SMYD3: variants seen among roughly 807,000 people sequenced by gnomAD.
The protein encoded by SMYD3 is histone-lysine N-methyltransferase SMYD3.
Under a neutral mutation model 57.7 loss-of-function variants are expected in SMYD3, and 36 were observed. That is an observed-to-expected ratio of 0.62 (90% CI 0.48 to 0.82). The LOEUF is 0.82. Among genes scored for constraint, SMYD3 ranks in the 40% least tolerant of loss-of-function variants. The pLI is 0.00. For missense variants in SMYD3, 515 were observed against 538.8 expected (o/e 0.96, Z 0.44); for synonymous variants, 211 against 195.0 (o/e 1.08, Z -0.68).
chr1:246,044,991 C>G (rs1009372187), intron 5 of SMYD3, among the ~76,000 whole-genome samples: 4 of 152,160 alleles, frequency 2.6e-5, no homozygotes, highest in Admixed American at 2.6e-4. Context: ...AGGACACAAA[C>G]AAATGGAAGA....
At chr1:246,222,884 C>T (rs973631072) in intron 5 of SMYD3, among the ~76,000 whole-genome samples, 4 of 152,112 alleles carry the variant, frequency 2.6e-5, no homozygotes, top group African/African-American at 4.8e-5. Flanking sequence ...ACATTTGATG[C>T]TAAATCGTAT....
intron 10 of SMYD3, among the ~76,000 whole-genome samples, chr1:245,833,158 A>C (rs1171651670): frequency 6.6e-6 from 1 of 152,008 alleles, no homozygotes; most frequent in East Asian, 1.9e-4. Flanking sequence ...AAAGTTGCAA[A>C]GATAGTAGAG....
chr1:245,774,581 T>C (rs564318682), intron 10 of SMYD3, among the ~76,000 whole-genome samples: 37 of 152,322 alleles, frequency 2.4e-4, no homozygotes, highest in African/African-American at 8.4e-4. Context: ...TATTAAAATA[T>C]ATTGAAAACC....
chr1:246,302,499 GA>G (rs1406038209), intron 5 of SMYD3, among the ~76,000 whole-genome samples: 2 of 152,102 alleles, frequency 1.3e-5, no homozygotes, highest in Non-Finnish European at 2.9e-5. Flanking sequence ...GAATTCAGGT[GA>G]AAAAAACTGT....
At chr1:246,373,900 G>A (rs1313625592) in intron 1 of SMYD3, among the ~76,000 whole-genome samples, 2 of 152,092 alleles carry the variant, frequency 1.3e-5, no homozygotes, top group African/African-American at 4.8e-5. Flanking sequence ...AGAAATTAAA[G>A]GCTATTCCAC....
At chr1:245,892,229 G>A (rs990176602) in intron 8 of SMYD3, among the ~76,000 whole-genome samples, 4 of 152,094 alleles carry the variant, frequency 2.6e-5, no homozygotes, top group African/African-American at 9.7e-5. Context: ...CAAATGATGG[G>A]AACTGAGGAT....
At chr1:245,858,093 T>A (rs891991097) in intron 10 of SMYD3, among the ~76,000 whole-genome samples, 2 of 152,144 alleles carry the variant, frequency 1.3e-5, no homozygotes, top group Non-Finnish European at 2.9e-5. Context: ...AAGGGCCCCA[T>A]ATGGCCATCC....
intron 5 of SMYD3, among the ~76,000 whole-genome samples, chr1:246,283,136 T>A (rs770108187): frequency 1.3e-5 from 2 of 152,098 alleles, no homozygotes; most frequent in Admixed American, 6.5e-5. Flanking sequence ...TAACCCCCCA[T>A]AGAAAATAAA....
intron 5 of SMYD3, among the ~76,000 whole-genome samples, chr1:246,167,007 G>T (rs1373533509): frequency 6.6e-6 from 1 of 152,134 alleles, no homozygotes; most frequent in Non-Finnish European, 1.5e-5. Flanking sequence ...CATCTACTTT[G>T]AACATTTCAT....
intron 10 of SMYD3, among the ~76,000 whole-genome samples, chr1:245,790,697 T>C (rs970794009): frequency 6.6e-6 from 1 of 152,192 alleles, no homozygotes; most frequent in Non-Finnish European, 1.5e-5. Flanking sequence ...GTGTACTCTG[T>C]GATTCTTTGG....
At chr1:246,011,699 A>G (rs186551296) in intron 5 of SMYD3, among the ~76,000 whole-genome samples, 14 of 152,276 alleles carry the variant, frequency 9.2e-5, no homozygotes, top group African/African-American at 2.9e-4. Context: ...GGAGAATGGC[A>G]TAACTAATTA....
chr1:246,413,047 C>G (rs1401294040), intron 1 of SMYD3, among the ~76,000 whole-genome samples: 1 of 152,068 alleles, frequency 6.6e-6, no homozygotes, highest in African/African-American at 2.4e-5. Flanking sequence ...ACACCTCCAC[C>G]CTCACCCTCA....
At chr1:246,150,214 T>C (rs530271354) in intron 5 of SMYD3, among the ~76,000 whole-genome samples, 1 of 152,352 alleles carries the variant, frequency 6.6e-6, no homozygotes, top group East Asian at 1.9e-4. Flanking sequence ...TCAAAGAAAG[T>C]ATACTATAAA....
At chr1:245,902,772 G>A (rs2054275551) in intron 8 of SMYD3, among the ~76,000 whole-genome samples, 1 of 152,092 alleles carries the variant, frequency 6.6e-6, no homozygotes, top group African/African-American at 2.4e-5. Flanking sequence ...ATAATATGAA[G>A]ACCACAGTAC....
intron 5 of SMYD3, among the ~76,000 whole-genome samples, chr1:246,140,546 A>G (rs952181662): frequency 1.3e-5 from 2 of 152,208 alleles, no homozygotes; most frequent in African/African-American, 4.8e-5. Context: ...TTATTTTCCT[A>G]TTAAAGTTTA....
At chr1:246,003,472 C>T (rs868823170) in intron 5 of SMYD3, among the ~76,000 whole-genome samples, 4 of 152,296 alleles carry the variant, frequency 2.6e-5, no homozygotes, top group Middle Eastern at 6.8e-3. Flanking sequence ...CACATTGTTA[C>T]GTCCTATGGA....
intron 5 of SMYD3, among the ~76,000 whole-genome samples, chr1:245,991,547 T>C (rs539509820): frequency 6.6e-6 from 1 of 152,174 alleles, no homozygotes; most frequent in Non-Finnish European, 1.5e-5. Flanking sequence ...AACTCAAAGA[T>C]GGACAAAGGC....
rs140791690 is a variant in SMYD3 at position 245,997,169 on chromosome 1, A to G, written c.532-67232T>C. ...ACGGGACACTTAATGAATTTATTTA[A>G]TGATGCCAAATATGGGGAACCCCTT... On this transcript the variant is annotated intron_variant, in intron 5 of 11. Coordinates refer to ENST00000490107, the MANE Select transcript of SMYD3 (RefSeq NM_001167740.2). 2.7e-3 allele frequency among the ~76,000 whole-genome samples: 406 copies of G among 152,364 alleles called. 2 individuals carry two copies. The highest frequency in any genetic ancestry group is 5.6e-3 in the Admixed American group (86 of 15,310).
chr1:245,793,865 T>C (rs533672525), intron 10 of SMYD3, among the ~76,000 whole-genome samples: 2 of 152,316 alleles, frequency 1.3e-5, no homozygotes, highest in South Asian at 2.1e-4. Flanking sequence ...CTAAAGTCTA[T>C]ATTGTTTGAT....
Sources: gnomAD v4.1 joint callset for allele counts (sites outside exome capture counted in the v4.1 genomes callset) on GRCh38, gnomAD v4.1.1 for gene constraint, MANE v1.5 for transcripts, NCBI Gene and HGNC (gene_info 2026-07-23, HGNC 2026-07-21) for gene names.